MPV17: variants seen among roughly 807,000 people sequenced by gnomAD.
MPV17 encodes the protein MPV17, mitochondrial inner membrane protein.
A neutral mutation model predicts 28.6 loss-of-function variants in MPV17; 31 were observed. The ratio of observed to expected loss-of-function variants is 1.08; its 90% confidence interval spans 0.81 to 1.46. MPV17 has a LOEUF of 1.46. MPV17 is among the 40% of genes most tolerant of loss of function. The pLI is 0.00. For synonymous variants in MPV17, 87 were observed against 85.3 expected (o/e 1.02, Z -0.11); for missense variants, 198 against 216.2 (o/e 0.92, Z 0.53).
intron 2 of MPV17, among the ~76,000 whole-genome samples, chr2:27,319,501 C>T (rs1679776091): frequency 7.0e-6 from 1 of 142,582 alleles, no homozygotes; most frequent in Non-Finnish European, 1.6e-5. Flanking sequence ...TGCCACTGCA[C>T]TCCAGCCTGG....
intron 2 of MPV17, chr2:27,313,422 G>T: frequency 1.7e-6 from 1 of 590,510 alleles, no homozygotes; most frequent in Non-Finnish European, 3.0e-6. Flanking sequence ...CCACAGGGCT[G>T]AGAACCACAG....
intron 7 of MPV17, chr2:27,310,981 G>A (rs2148213502): frequency 6.8e-6 from 1 of 146,044 alleles, no homozygotes; most frequent in Admixed American, 6.9e-5. Context: ...CTGACCTTGT[G>A]ATCCACCTGC....
intron 2 of MPV17, chr2:27,322,240 T>C: frequency 8.0e-6 from 5 of 621,364 alleles, no homozygotes; most frequent in Non-Finnish European, 1.4e-5. Context: ...AAAACCCTAC[T>C]GCACAGCTTG....
In MPV17 at chr2:27,317,660, C is replaced by T. The variant is rs1038509055; in HGVS notation, c.71-4551G>A. 6.6e-6 allele frequency among the ~76,000 whole-genome samples: 1 copy of T among 152,192 alleles called. No homozygotes were observed. The highest frequency in any genetic ancestry group is 6.5e-5 in the Admixed American group (1 of 15,274). On this transcript the variant is annotated intron_variant, in intron 2 of 7. Coordinates refer to ENST00000380044, the MANE Select transcript of MPV17 (RefSeq NM_002437.5). This position sits in a 1 kb window ranked among gnomAD's most constrained non-coding sequence, Gnocchi z 4.0. ...CTCTCATACCCTGGCTTAATTCAGA[C>T]TCCAGGGAAACCAGTATTTGTAAGA...
At position 27,309,877 on chromosome 2, in the gene MPV17, T is replaced by A. The variant is rs1326956326; in HGVS notation, c.*35A>T. 6 of 1,582,934 alleles carry A rather than the reference T, an allele frequency of 3.8e-6. No individual in the cohort carries two copies. In the African/African-American group the frequency reaches 8.1e-5, roughly 21 times the overall value. On this transcript the variant is annotated 3_prime_UTR_variant, in exon 8 of 8. Transcript: ENST00000380044. ...CTGACCGTTCCAGGGTCAAGCTGCA[T>A]CACTGCAAGGTGGAAACGATGGAGT... is the stretch of plus-strand genomic sequence containing the variant.
chr2:27,311,888 G>A lies in MPV17; in HGVS notation c.461+11C>T, dbSNP rs1381019335. ...GTCTTCCTTGATGGGTGGGGTAGGG[G>A]TGCAACATACCTGTAATGAAGGGGG... is the stretch of plus-strand genomic sequence containing the variant. On this transcript the variant is annotated intron_variant, in intron 7 of 7. Transcript: ENST00000380044. The A allele has an allele frequency of 1.2e-6, 2 of 1,613,416 alleles. No homozygotes were observed. Among genetic ancestry groups the A allele is most frequent in the Admixed American group, 1.7e-5 (1 of 59,988 alleles).
At position 27,312,547 on chromosome 2, in the gene MPV17, C is replaced by T. The variant is rs1172816470; in HGVS notation, c.322G>A (p.Val108Ile). Residue 108 changes from valine (V) to isoleucine (I), a missense_variant, in exon 5 of 8, where the codon GTA (valine) becomes ATA (isoleucine). Coordinates refer to ENST00000380044, the MANE Select transcript of MPV17 (RefSeq NM_002437.5). ...GCTGACAGTCCATTAAGTGCCCCTA[C>T]CAGTGGGAGAAAGCAGCCTAGAAAA... Reference protein sequence around the residue: ...PCFLGCFLPLVGALNGLSAQD... With the variant: ...PCFLGCFLPLIGALNGLSAQD... 6.2e-7 allele frequency: 1 copy of T among 1,614,052 alleles called. No individual in the cohort carries two copies. The highest frequency in any genetic ancestry group is 1.3e-5 in the African/African-American group (1 of 74,938).
chr2:27,311,872 G>C (rs763457596), intron 7 of MPV17, 27 bp downstream of exon 7: 1 of 1,612,592 alleles, frequency 6.2e-7, no homozygotes, highest in Non-Finnish European at 8.5e-7. Flanking sequence ...GGTCTTCCTT[G>C]ATGGGTGGGG....
chr2:27,312,488 G>A lies in MPV17; in HGVS notation c.375+6C>T, dbSNP rs1030845017. ...CAGAGACATTCTCCACACCTGCCCAGCTCACCCGCTGTAGTTTGGCCCAGT... is the reference window on the plus strand; with the variant it reads ...CAGAGACATTCTCCACACCTGCCCAACTCACCCGCTGTAGTTTGGCCCAGT... On this transcript the variant is annotated splice_donor_region_variant and intron_variant, in intron 5 of 7. Transcript: ENST00000380044. 4.3e-6 allele frequency: 7 copies of A among 1,613,612 alleles called. No individual in the cohort carries two copies. The Admixed American group carries it at 5.0e-5, about 12-fold the overall frequency.
chr2:27,310,955 G>A (rs1205353133), intron 7 of MPV17: 1 of 151,062 alleles, frequency 6.6e-6, no homozygotes, highest in Non-Finnish European at 1.5e-5. Flanking sequence ...ATATTGGCCA[G>A]GCTGGTCTCG....
intron 2 of MPV17, among the ~76,000 whole-genome samples, chr2:27,318,562 T>C (rs1464344545): frequency 6.6e-6 from 1 of 151,428 alleles, no homozygotes; most frequent in Non-Finnish European, 1.5e-5. Context: ...TTCACCATGT[T>C]GGCCAGGCTG....
chr2:27,314,475 G>C (rs1679576323), intron 2 of MPV17, among the ~76,000 whole-genome samples: 1 of 152,146 alleles, frequency 6.6e-6, no homozygotes, highest in South Asian at 2.1e-4. Flanking sequence ...CACAACCTTA[G>C]ATTGAGTTGG....
intron 2 of MPV17, among the ~76,000 whole-genome samples, chr2:27,318,506 C>T (rs1051208931): frequency 6.6e-6 from 1 of 151,864 alleles, no homozygotes; most frequent in Non-Finnish European, 1.5e-5. Flanking sequence ...TACAGGCATG[C>T]GCCACCATGC....
chr2:27,316,714 G>A (rs951615252), intron 2 of MPV17: 14 of 230,208 alleles, frequency 6.1e-5, no homozygotes, highest in Admixed American at 1.1e-4. Context: ...AGTGCTCTGG[G>A]CCCCCTCCCC....
rs1298706804 is a variant in MPV17 at position 27,313,491 on chromosome 2, T to C, written c.71-382A>G. Reference sequence around the variant, plus strand: ...TAATGCAAACCACTTATTTTAGAGGTATGGAAATGAAGTCCAGGGTCTCAC... The same window carrying C: ...TAATGCAAACCACTTATTTTAGAGGCATGGAAATGAAGTCCAGGGTCTCAC... On this transcript the variant is annotated intron_variant, in intron 2 of 7. Transcript: ENST00000380044. The C allele has an allele frequency of 2.3e-5, 11 of 470,592 alleles. No individual in the cohort carries two copies. In the East Asian group the frequency reaches 4.0e-4, roughly 17 times the overall value. 29.2% of individuals were successfully genotyped at this position (470,592 alleles called of 1,614,324 possible).
chr2:27,316,888 G>C, intron 2 of MPV17: 1 of 543,690 alleles, frequency 1.8e-6, no homozygotes, highest in Non-Finnish European at 3.2e-6. Flanking sequence ...CATGCCCCTG[G>C]GTAGGTGCCA....
intron 2 of MPV17, among the ~76,000 whole-genome samples, chr2:27,314,859 C>T (rs1212803349): frequency 6.6e-6 from 1 of 152,268 alleles, no homozygotes; most frequent in Non-Finnish European, 1.5e-5. Flanking sequence ...TGGCTGCACA[C>T]TCACTGTTGC....
chr2:27,312,917 C>G, intron 3 of MPV17, 77 bp downstream of exon 3: 1 of 1,572,026 alleles, frequency 6.4e-7, no homozygotes, highest in Non-Finnish European at 8.8e-7. Flanking sequence ...GTGTGAGAGT[C>G]CAAGGGAAGC....
At chr2:27,320,422 T>C (rs1053417535) in intron 2 of MPV17, among the ~76,000 whole-genome samples, 2 of 151,470 alleles carry the variant, frequency 1.3e-5, no homozygotes, top group Admixed American at 6.6e-5. Flanking sequence ...CCGCAACCTC[T>C]GCCTCATGGG....
Sources: allele counts gnomAD v4.1 joint callset (sites outside exome capture counted in the v4.1 genomes callset), GRCh38; gene constraint gnomAD v4.1.1; non-coding constraint Gnocchi (gnomAD v3.1); transcripts MANE v1.5; gene names NCBI Gene and HGNC (gene_info 2026-07-23, HGNC 2026-07-21).